The following PTPRD variants were observed in gnomAD, a reference collection of about 807,000 sequenced individuals.
The protein encoded by PTPRD is protein tyrosine phosphatase receptor type D.
PTPRD carries 34 observed loss-of-function variants against 214.5 expected under a neutral mutation model. The observed-to-expected ratio is 0.16, with a 90% CI of 0.12 to 0.21. The LOEUF is 0.21. Ranked by LOEUF, PTPRD falls within the 10% of genes least tolerant of loss-of-function variation. The pLI, the probability that PTPRD is intolerant of heterozygous loss-of-function variation, is 1.00. For missense variants in PTPRD, 2,545 were observed against 2,398.7 expected (o/e 1.06, Z -1.27); for synonymous variants, 1,128 against 845.7 (o/e 1.33, Z -5.79).
At chr9:9,562,633 T>C (rs1023469738) in intron 8 of PTPRD, among the ~76,000 whole-genome samples, 16 of 152,130 alleles carry the variant, frequency 1.1e-4, no homozygotes, top group African/African-American at 3.6e-4. Context: ...TTTCAGCCTT[T>C]GCCTTTACAA....
Position 8,465,659 on chromosome 9 carries a change from G to A in PTPRD, c.3521C>T (p.Ser1174Phe). The A allele has an allele frequency of 6.2e-7, 1 of 1,611,356 alleles. No individual in the cohort carries two copies. The highest frequency in any genetic ancestry group is 1.1e-5 in the South Asian group (1 of 90,938). Residue 1174 changes from serine (S) to phenylalanine (F), a missense_variant, in exon 32 of 46, where the codon TCT (serine) becomes TTT (phenylalanine). Ser to Phe is a radical substitution (Grantham distance 155, BLOSUM62 -2). Coordinates refer to ENST00000381196, the MANE Select transcript of PTPRD (RefSeq NM_002839.4). ...ATAACGGATGCTTCTGCGCTTCCTA[G>A]ATATCTCCTTAAGCAGCTTAAGGAA... is the stretch of plus-strand genomic sequence containing the variant. The part of the protein sequence containing the change: ...MELDELLKEI[S>F]RKRRSIRYGR...
intron 35 of PTPRD, 79 bp downstream of exon 35, chr9:8,436,513 G>A (rs2095356239): frequency 1.8e-6 from 2 of 1,107,120 alleles, no homozygotes; most frequent in South Asian, 2.7e-5. Context: ...CACTGATGAA[G>A]TTAATTTTCA....
intron 2 of PTPRD, among the ~76,000 whole-genome samples, chr9:10,451,191 T>C (rs1000784699): frequency 6.6e-6 from 1 of 152,002 alleles, no homozygotes; most frequent in African/African-American, 2.4e-5. Flanking sequence ...TATACACTAA[T>C]AGATACCAAT....
chr9:8,675,089 T>C (rs570610567), intron 12 of PTPRD, among the ~76,000 whole-genome samples: 21 of 152,270 alleles, frequency 1.4e-4, no homozygotes, highest in African/African-American at 4.8e-4. Flanking sequence ...CCAATGCAGA[T>C]AGCATTAAGT....
intron 11 of PTPRD, among the ~76,000 whole-genome samples, chr9:8,935,679 G>A: frequency 6.6e-6 from 1 of 152,150 alleles, no homozygotes; most frequent in Non-Finnish European, 1.5e-5. Flanking sequence ...ACTGGGGAAG[G>A]CCCCCCACAG....
At chr9:9,443,318 T>C (rs2089001733) in intron 8 of PTPRD, among the ~76,000 whole-genome samples, 1 of 152,336 alleles carries the variant, frequency 6.6e-6, no homozygotes, top group Admixed American at 6.5e-5. Flanking sequence ...CTAGTTAGCA[T>C]TGTGACATGT....
intron 9 of PTPRD, among the ~76,000 whole-genome samples, chr9:9,193,830 C>T (rs766763665): frequency 6.6e-5 from 10 of 152,008 alleles, no homozygotes; most frequent in Non-Finnish European, 1.0e-4. Flanking sequence ...AGACTTTATA[C>T]GCACTGTAAA....
At chr9:9,402,479 C>T (rs1009225636) in intron 8 of PTPRD, among the ~76,000 whole-genome samples, 2 of 151,938 alleles carry the variant, frequency 1.3e-5, no homozygotes, top group African/African-American at 4.8e-5. Flanking sequence ...ATTTAATCAC[C>T]AAATTTCTCT....
intron 11 of PTPRD, among the ~76,000 whole-genome samples, chr9:8,826,655 G>A (rs978498992): frequency 4.4e-5 from 6 of 136,018 alleles, no homozygotes; most frequent in Non-Finnish European, 6.2e-5. Context: ...TCTATATAGT[G>A]CTTATCCAAT....
chr9:10,443,954 A>G (rs2098780190), intron 2 of PTPRD, among the ~76,000 whole-genome samples: 2 of 151,070 alleles, frequency 1.3e-5, no homozygotes, highest in African/African-American at 4.9e-5. Context: ...GCTTTACTCT[A>G]TTTATATTAA....
At chr9:9,120,168 A>T (rs2099816260) in intron 10 of PTPRD, among the ~76,000 whole-genome samples, 1 of 152,236 alleles carries the variant, frequency 6.6e-6, no homozygotes, top group Non-Finnish European at 1.5e-5. Context: ...GCACATTGGC[A>T]TCTTGAAGGC....
chr9:9,900,641 G>GTTTTTTTTTTTGTTTTTTTTTT (rs367877727), intron 5 of PTPRD, among the ~76,000 whole-genome samples: 1 of 120,086 alleles, frequency 8.3e-6, no homozygotes, highest in Non-Finnish European at 1.8e-5. Context: ...ACATTTTCAG[G>GTTTTTTTTTTTGTTTTTTTTTT]TTTTTTTTTT....
intron 11 of PTPRD, among the ~76,000 whole-genome samples, chr9:8,867,430 T>C (rs571865508): frequency 6.6e-6 from 1 of 152,170 alleles, no homozygotes; most frequent in African/African-American, 2.4e-5. Flanking sequence ...CTCATGCTTT[T>C]TACTTTTCCT....
chr9:8,885,643 C>T (rs1328131261), intron 11 of PTPRD, among the ~76,000 whole-genome samples: 1 of 151,742 alleles, frequency 6.6e-6, no homozygotes, highest in African/African-American at 2.4e-5. Flanking sequence ...ATTATGGGTG[C>T]CTGCCACCAC....
intron 2 of PTPRD, among the ~76,000 whole-genome samples, chr9:10,521,374 C>G (rs1037328411): frequency 6.6e-6 from 1 of 152,146 alleles, no homozygotes; most frequent in Non-Finnish European, 1.5e-5. Flanking sequence ...GGAGTTGCTT[C>G]TTGTGGATGA....
At chr9:9,194,926 A>G (rs889567682) in intron 9 of PTPRD, among the ~76,000 whole-genome samples, 17 of 151,930 alleles carry the variant, frequency 1.1e-4, no homozygotes, top group African/African-American at 3.4e-4. Context: ...TGTTTTAGTT[A>G]TTCCATTCTA....
chr9:8,929,363 A>G (rs951424515), intron 11 of PTPRD, among the ~76,000 whole-genome samples: 1 of 152,096 alleles, frequency 6.6e-6, no homozygotes, highest in Non-Finnish European at 1.5e-5. Context: ...GGTACATTCC[A>G]TCAATACCTA....
At chr9:10,174,627 A>AT (rs967400748) in intron 3 of PTPRD, among the ~76,000 whole-genome samples, 4 of 151,968 alleles carry the variant, frequency 2.6e-5, no homozygotes, top group African/African-American at 4.8e-5. Flanking sequence ...TGGAATTTAA[A>AT]TTTTTTTACA....
At chr9:9,068,121 C>T (rs1353060121) in intron 10 of PTPRD, among the ~76,000 whole-genome samples, 1 of 151,994 alleles carries the variant, frequency 6.6e-6, no homozygotes, top group African/African-American at 2.4e-5. Context: ...TCTCTTTTAG[C>T]TTTTACTTAG....
Sources: gnomAD v4.1 joint callset for allele counts (sites outside exome capture counted in the v4.1 genomes callset) on GRCh38, gnomAD v4.1.1 for gene constraint, MANE v1.5 for transcripts, NCBI Gene and HGNC (gene_info 2026-07-23, HGNC 2026-07-21) for gene names.